Variants in CTNNA2 observed in about 807,000 individuals in gnomAD.
CTNNA2 encodes the protein catenin alpha-2.
CTNNA2 carries 42 observed loss-of-function variants against 101.0 expected under a neutral mutation model. The ratio of observed to expected loss-of-function variants is 0.42; its 90% CI spans 0.32 to 0.54. The LOEUF (loss-of-function observed/expected upper bound fraction) is 0.54. CTNNA2 is among the 20% of genes least tolerant of loss of function. CTNNA2 has a pLI of 0.14. For synonymous variants in CTNNA2, 450 were observed against 456.4 expected (o/e 0.99, Z 0.18); for missense variants, 871 against 1,223.1 (o/e 0.71, Z 4.29).
intron 4 of CTNNA2, among the ~76,000 whole-genome samples, chr2:79,377,937 AG>A (rs1448252833): frequency 6.6e-6 from 1 of 152,152 alleles, no homozygotes; most frequent in East Asian, 1.9e-4. Flanking sequence ...AAACTGCGGC[AG>A]GCTAACTTTT....
intron 4 of CTNNA2, chr2:79,498,791 C>T (rs2103799418): frequency 6.6e-6 from 1 of 152,254 alleles, no homozygotes; most frequent in Admixed American, 6.5e-5. Context: ...TCCTATTATC[C>T]TGAATTGTTA....
Position 80,094,685 on chromosome 2 carries a change from G to A in CTNNA2, c.1056+184888G>A, listed in dbSNP as rs1479551218. On this transcript the variant is annotated intron_variant, in intron 7 of 18. Coordinates refer to ENST00000402739, the MANE Select transcript of CTNNA2 (RefSeq NM_001282597.3). ...TTTGTATCCTCTTTTATTTCATTGA[G>A]CAGTGGTTTGTAATTCTCCTTGAAG... 1.2e-4 allele frequency among the ~76,000 whole-genome samples: 19 copies of A among 152,198 alleles called. No homozygotes were observed. The South Asian group carries it at 1.5e-3, about 12-fold the overall frequency.
At chr2:79,238,736 T>C (rs533082630) in intron 2 of CTNNA2, among the ~76,000 whole-genome samples, 2 of 152,302 alleles carry the variant, frequency 1.3e-5, no homozygotes, top group African/African-American at 4.8e-5. Flanking sequence ...AATGTAGTGT[T>C]TTAAGATTAT....
intron 7 of CTNNA2, among the ~76,000 whole-genome samples, chr2:80,308,376 C>G (rs1017423704): frequency 4.6e-5 from 7 of 152,144 alleles, no homozygotes; most frequent in Admixed American, 1.3e-4. Context: ...CCAGCCTGGA[C>G]CTTGATCTTT....
intron 7 of CTNNA2, among the ~76,000 whole-genome samples, chr2:80,123,003 C>T (rs946263933): frequency 9.8e-5 from 15 of 152,322 alleles, no homozygotes; most frequent in African/African-American, 3.6e-4. Context: ...AACCGTCTCA[C>T]TTCTGCTGTC....
intron 1 of CTNNA2, among the ~76,000 whole-genome samples, chr2:79,639,008 T>G (rs1227851583): frequency 6.6e-6 from 1 of 152,192 alleles, no homozygotes; most frequent in African/African-American, 2.4e-5. Flanking sequence ...AAAAGATCAT[T>G]GATTATTTTC....
intron 4 of CTNNA2, among the ~76,000 whole-genome samples, chr2:79,465,740 A>C (rs1035380588): frequency 6.6e-6 from 1 of 152,008 alleles, no homozygotes; most frequent in Non-Finnish European, 1.5e-5. Context: ...TTCTCTTTGA[A>C]GCAATTGTGA....
chr2:80,151,325 T>G (rs1703681521), intron 7 of CTNNA2, among the ~76,000 whole-genome samples: 1 of 152,226 alleles, frequency 6.6e-6, no homozygotes, highest in South Asian at 2.1e-4. Context: ...TTCTCCCAAG[T>G]GAATAGGCAC....
chr2:79,411,975 A>G (rs1678417713), intron 4 of CTNNA2, among the ~76,000 whole-genome samples: 2 of 152,146 alleles, frequency 1.3e-5, no homozygotes, highest in Non-Finnish European at 2.9e-5. Context: ...GTCAAGACCC[A>G]TCAGTGTGCT....
intron 2 of CTNNA2, chr2:79,312,593 C>T (rs1676406299): frequency 6.6e-6 from 1 of 152,088 alleles, no homozygotes; most frequent in Admixed American, 6.5e-5. Context: ...TTGAGAGATC[C>T]CTATTTAAAA....
intron 13 of CTNNA2, among the ~76,000 whole-genome samples, chr2:80,574,581 C>A (rs1442530887): frequency 6.6e-6 from 1 of 152,134 alleles, no homozygotes; most frequent in Non-Finnish European, 1.5e-5. Flanking sequence ...AACCTTTAGG[C>A]ATACCCCTGC....
intron 4 of CTNNA2, among the ~76,000 whole-genome samples, chr2:79,435,422 G>A (rs1044690571): frequency 1.3e-5 from 2 of 152,076 alleles, no homozygotes; most frequent in East Asian, 3.9e-4. Context: ...TAGATGCAGG[G>A]AAAATAAAAT....
At chr2:80,614,462 G>C (rs1698691103) in intron 17 of CTNNA2, among the ~76,000 whole-genome samples, 1 of 151,304 alleles carries the variant, frequency 6.6e-6, no homozygotes, top group Non-Finnish European at 1.5e-5. Flanking sequence ...TTTTATATCA[G>C]AGACTTGAGC....
intron 3 of CTNNA2, among the ~76,000 whole-genome samples, chr2:79,778,154 C>T (rs1573944243): frequency 6.6e-6 from 1 of 151,654 alleles, no homozygotes; most frequent in Non-Finnish European, 1.5e-5. Flanking sequence ...CCACCCAGGG[C>T]AACATGGTGA....
chr2:80,592,909 T>A (rs1318322588), intron 15 of CTNNA2, among the ~76,000 whole-genome samples: 1 of 152,142 alleles, frequency 6.6e-6, no homozygotes, highest in South Asian at 2.1e-4. Flanking sequence ...TCATAAATGG[T>A]GATGTGACAG....
intron 3 of CTNNA2, among the ~76,000 whole-genome samples, chr2:79,791,537 G>A (rs999635348): frequency 5.9e-5 from 9 of 152,314 alleles, no homozygotes; most frequent in South Asian, 2.1e-4. Context: ...TCTGTGCATA[G>A]TTGCTTCAGG....
At chr2:79,463,800 G>C (rs1670903822) in intron 4 of CTNNA2, among the ~76,000 whole-genome samples, 1 of 152,114 alleles carries the variant, frequency 6.6e-6, no homozygotes, top group Non-Finnish European at 1.5e-5. Flanking sequence ...TGTGCCCATA[G>C]ATCCATATGT....
intron 9 of CTNNA2, among the ~76,000 whole-genome samples, chr2:80,426,464 A>G (rs73941120): frequency 0.01 from 1,530 of 152,136 alleles, 26 homozygotes; most frequent in African/African-American, 0.035. Context: ...TACCATGCAC[A>G]CCTGAGTGCA....
chr2:80,283,390 G>A (rs1382059278), intron 7 of CTNNA2, among the ~76,000 whole-genome samples: 1 of 152,056 alleles, frequency 6.6e-6, no homozygotes, highest in Non-Finnish European at 1.5e-5. Context: ...ATTACAAATT[G>A]TATATATGTA....
Sources: allele counts gnomAD v4.1 joint callset (sites outside exome capture counted in the v4.1 genomes callset), GRCh38; gene constraint gnomAD v4.1.1; transcripts MANE v1.5; gene names NCBI Gene and HGNC (gene_info 2026-07-23, HGNC 2026-07-21).